The following STAG1 variants were observed in gnomAD, a reference collection of about 807,000 sequenced individuals.
The protein encoded by STAG1 is STAG1 cohesin complex component, also known as cohesin subunit SA-1.
Under a neutral mutation model 170.9 loss-of-function variants are expected in STAG1, and 26 were observed. The ratio of observed to expected loss-of-function variants is 0.15; its 90% CI spans 0.11 to 0.21. STAG1 has a LOEUF of 0.21. STAG1 is among the 10% of genes least tolerant of loss of function. The pLI, the probability that STAG1 is intolerant of heterozygous loss-of-function variation, is 1.00. For missense variants in STAG1, 964 were observed against 1,509.5 expected (o/e 0.64, Z 5.99); for synonymous variants, 514 against 497.7 (o/e 1.03, Z -0.44).
At chr3:136,616,070 C>A (rs1260768472) in intron 3 of STAG1, among the ~76,000 whole-genome samples, 1 of 151,946 alleles carries the variant, frequency 6.6e-6, no homozygotes, top group East Asian at 1.9e-4. Context: ...AGATCAAGAC[C>A]ATCCTGGTTA....
At chr3:136,634,199 AAAACTAACCAGGCGTGGTGG>A (rs1940456622) in intron 1 of STAG1, among the ~76,000 whole-genome samples, 1 of 151,944 alleles carries the variant, frequency 6.6e-6, no homozygotes, top group Non-Finnish European at 1.5e-5. Flanking sequence ...ACAAAATTTT[AAAACTAACCAGGCGTGGTGG>A]CACACACCTG....
chr3:136,468,937 C>T (rs6799368), intron 12 of STAG1, among the ~76,000 whole-genome samples: 54,800 of 151,832 alleles, frequency 0.36, 10,881 homozygotes, highest in African/African-American at 0.52. Context: ...AATTCAACAA[C>T]GCTTCATGCT....
intron 4 of STAG1, among the ~76,000 whole-genome samples, chr3:136,602,758 C>G (rs1201094958): frequency 1.3e-5 from 2 of 151,790 alleles, no homozygotes; most frequent in Non-Finnish European, 2.9e-5. Context: ...GGCTGAGGCA[C>G]AAGAATCCCT....
chr3:136,555,957 C>T (rs1936596579), intron 5 of STAG1, among the ~76,000 whole-genome samples: 1 of 151,974 alleles, frequency 6.6e-6, no homozygotes, highest in Non-Finnish European at 1.5e-5. Flanking sequence ...CTCACTGATA[C>T]AGATATAAAA....
chr3:136,751,808 C>CGGG (rs66637715), intron 1 of STAG1, among the ~76,000 whole-genome samples: 28 of 148,254 alleles, frequency 1.9e-4, no homozygotes, highest in South Asian at 8.5e-4. Flanking sequence ...AGAGCCCGGG[C>CGGG]GGGGGGGGGC....
At chr3:136,439,698 A>G (rs548758467) in intron 15 of STAG1, among the ~76,000 whole-genome samples, 86 of 152,220 alleles carry the variant, frequency 5.6e-4, no homozygotes, top group Admixed American at 4.6e-4. Context: ...GCCAGAGCTT[A>G]TATGTGGTTT....
chr3:136,565,852 C>T (rs924747992), intron 5 of STAG1, among the ~76,000 whole-genome samples: 2 of 152,110 alleles, frequency 1.3e-5, no homozygotes, highest in Non-Finnish European at 2.9e-5. Flanking sequence ...CAGCCCTAAA[C>T]GAAATGAACT....
intron 1 of STAG1, among the ~76,000 whole-genome samples, chr3:136,668,356 T>C: frequency 6.8e-6 from 1 of 146,292 alleles, no homozygotes; most frequent in East Asian, 1.9e-4. Context: ...ATACATGATA[T>C]ATATTATACA....
At chr3:136,511,710 C>T (rs1381754187) in intron 7 of STAG1, among the ~76,000 whole-genome samples, 1 of 152,068 alleles carries the variant, frequency 6.6e-6, no homozygotes, top group African/African-American at 2.4e-5. Flanking sequence ...AGGCTTAATA[C>T]CTGGGTGACA....
intron 9 of STAG1, among the ~76,000 whole-genome samples, chr3:136,490,238 G>A (rs531466766): frequency 4.9e-4 from 75 of 151,696 alleles, no homozygotes; most frequent in Non-Finnish European, 3.4e-4. Flanking sequence ...ACAGGGTTTC[G>A]CCATGTTGGC....
At chr3:136,620,460 T>C (rs892628987) in intron 3 of STAG1, among the ~76,000 whole-genome samples, 6 of 152,238 alleles carry the variant, frequency 3.9e-5, no homozygotes, top group African/African-American at 9.6e-5. Context: ...GTGGGAGTTA[T>C]CATATAAATT....
At chr3:136,639,395 T>C (rs1341083586) in intron 1 of STAG1, among the ~76,000 whole-genome samples, 1 of 152,036 alleles carries the variant, frequency 6.6e-6, no homozygotes, top group Non-Finnish European at 1.5e-5. Context: ...TTCCCCAAAT[T>C]CAAATAACCA....
intron 1 of STAG1, among the ~76,000 whole-genome samples, chr3:136,734,780 A>C (rs1934242412): frequency 6.6e-6 from 1 of 152,214 alleles, no homozygotes; most frequent in South Asian, 2.1e-4. Flanking sequence ...ATATTTATCA[A>C]TTTTGTATAC....
At chr3:136,610,531 T>C (rs374087310) in intron 3 of STAG1, among the ~76,000 whole-genome samples, 58 of 152,300 alleles carry the variant, frequency 3.8e-4, no homozygotes, top group African/African-American at 1.3e-3. Context: ...TGGAGAAGTG[T>C]ATTTAACAGC....
At chr3:136,677,794 T>A (rs1942171769) in intron 1 of STAG1, among the ~76,000 whole-genome samples, 2 of 151,480 alleles carry the variant, frequency 1.3e-5, no homozygotes, top group Non-Finnish European at 2.9e-5. Flanking sequence ...TATAAGGTAT[T>A]TTGTTATAGC....
At chr3:136,737,109 T>C in intron 1 of STAG1, 1 of 878,918 alleles carries the variant, frequency 1.1e-6, no homozygotes, top group Non-Finnish European at 1.9e-6. Flanking sequence ...GGTCAGTCTT[T>C]CAATCTGATT....
chr3:136,489,256 G>A (rs2090076005), intron 9 of STAG1, among the ~76,000 whole-genome samples: 1 of 152,168 alleles, frequency 6.6e-6, no homozygotes, highest in Non-Finnish European at 1.5e-5. Context: ...TCCTTTTGGG[G>A]AGAACATAAC....
At chr3:136,478,774 T>G (rs2089831572) in intron 9 of STAG1, among the ~76,000 whole-genome samples, 1 of 152,180 alleles carries the variant, frequency 6.6e-6, no homozygotes, top group Admixed American at 6.5e-5. Context: ...TCCTACATTT[T>G]TTGATAGTAT....
intron 4 of STAG1, among the ~76,000 whole-genome samples, chr3:136,601,898 T>TG (rs1938693966): frequency 6.6e-6 from 1 of 151,668 alleles, no homozygotes; most frequent in Non-Finnish European, 1.5e-5. Flanking sequence ...AAGAGTAATA[T>TG]GGATGAAGAG....
Sources: gnomAD v4.1 joint callset for allele counts (sites outside exome capture counted in the v4.1 genomes callset) on GRCh38, gnomAD v4.1.1 for gene constraint, MANE v1.5 for transcripts, NCBI Gene and HGNC (gene_info 2026-07-23, HGNC 2026-07-21) for gene names.